The following FOCAD variants were observed in gnomAD, a reference collection of about 807,000 sequenced individuals.
FOCAD encodes KIAA1797.
FOCAD carries 198 observed loss-of-function variants against 225.6 expected under a neutral mutation model. That is an observed-to-expected ratio of 0.88 (90% CI 0.78 to 0.99). The LOEUF (loss-of-function observed/expected upper bound fraction) is 0.99. FOCAD is among the 50% of genes least tolerant of loss of function. The pLI is 0.00. For missense variants in FOCAD, 2,713 were observed against 2,123.6 expected (o/e 1.28, Z -5.46); for synonymous variants, 897 against 755.0 (o/e 1.19, Z -3.08).
intron 1 of FOCAD, among the ~76,000 whole-genome samples, chr9:20,701,806 C>G (rs1823976982): frequency 6.6e-6 from 1 of 152,176 alleles, no homozygotes; most frequent in South Asian, 2.1e-4. Flanking sequence ...GCGCATTAGA[C>G]TTGATTACCT....
At chr9:20,988,634 T>C (rs1393262705) in intron 41 of FOCAD, among the ~76,000 whole-genome samples, 1 of 152,066 alleles carries the variant, frequency 6.6e-6, no homozygotes, top group African/African-American at 2.4e-5. Context: ...ACACACTTAA[T>C]GATTCTCTGA....
rs546193699 is a variant in FOCAD, at chr9:20,901,757, A to G, written c.2626-5393A>G. ...TGTGATAGTATTTCAAATATACTTAATTAAAGCTTACATCATACAGATTTA... is the reference window on the plus strand; with the variant it reads ...TGTGATAGTATTTCAAATATACTTAGTTAAAGCTTACATCATACAGATTTA... On this transcript the variant is annotated intron_variant, in intron 21 of 43. Transcript: ENST00000338382. Among the ~76,000 whole-genome samples the G allele has an allele frequency of 2.1e-3, 317 of 152,054 alleles. 2 individuals are homozygous for G. The highest frequency in any genetic ancestry group is 7.2e-3 in the African/African-American group (299 of 41,536).
At chr9:20,987,333 C>CGG (rs1449490606) in intron 40 of FOCAD, among the ~76,000 whole-genome samples, 3 of 151,996 alleles carry the variant, frequency 2.0e-5, no homozygotes, top group African/African-American at 7.3e-5. Flanking sequence ...CATGGTGAAA[C>CGG]CCTGTCTCTA....
chr9:20,932,425 T>C (rs1835571441), intron 27 of FOCAD, among the ~76,000 whole-genome samples: 1 of 152,186 alleles, frequency 6.6e-6, no homozygotes, highest in African/African-American at 2.4e-5. Context: ...TAGAACCTTT[T>C]AAGTTTTATT....
chr9:20,838,453 A>T (rs965448901), intron 15 of FOCAD, among the ~76,000 whole-genome samples: 4 of 152,098 alleles, frequency 2.6e-5, no homozygotes, highest in African/African-American at 9.7e-5. Flanking sequence ...GTAAATTGTC[A>T]TTTGAGCAAT....
At chr9:20,875,620 T>C (rs1830167194) in intron 19 of FOCAD, 1 of 150,816 alleles carries the variant, frequency 6.6e-6, no homozygotes, top group Admixed American at 6.6e-5. Flanking sequence ...AAAAAAGTAT[T>C]CTAATGCTTA....
chr9:20,708,762 TGA>T (rs139657106), intron 1 of FOCAD, among the ~76,000 whole-genome samples: 56,771 of 150,856 alleles, frequency 0.38, 10,790 homozygotes, highest in South Asian at 0.47. Context: ...AGTGACAGAG[TGA>T]GAGACCCTGT....
In FOCAD at chr9:20,881,912, G is replaced by A. The variant is rs1453308653; in HGVS notation, c.2359G>A (p.Val787Met). The change falls in exon 20 of 44, where the codon GTG (valine) becomes ATG (methionine). Residue 787 changes from valine (V) to methionine (M), a missense_variant. Val to Met is a conservative substitution (Grantham distance 21, BLOSUM62 1). Transcript: ENST00000338382. ...TACATCACTTGTGAAGCAAGAAATG[G>A]TGAATATGCCTCGTGGGATATATCA... is the stretch of plus-strand genomic sequence containing the variant. ...FFTSLVKQEM[V>M]NMPRGIYHSA... 2.5e-6 allele frequency: 4 copies of A among 1,613,528 alleles called. No individual in the cohort carries two copies. The highest frequency in any genetic ancestry group is 3.4e-6 in the Non-Finnish European group (4 of 1,179,804).
intron 2 of FOCAD, among the ~76,000 whole-genome samples, chr9:20,664,038 T>C (rs1821821828): frequency 6.6e-6 from 1 of 152,152 alleles, no homozygotes; most frequent in Admixed American, 6.5e-5. Context: ...CAAAGCACTT[T>C]TCCAACAGTG....
chr9:20,712,601 A>G (rs1288927038), intron 1 of FOCAD, among the ~76,000 whole-genome samples: 4 of 151,786 alleles, frequency 2.6e-5, no homozygotes, highest in South Asian at 2.1e-4. Flanking sequence ...GGCGGAGGTT[A>G]GTGAGCTGAG....
At chr9:20,836,237 C>T (rs1346221378) in intron 15 of FOCAD, among the ~76,000 whole-genome samples, 2 of 151,926 alleles carry the variant, frequency 1.3e-5, no homozygotes, top group Non-Finnish European at 2.9e-5. Flanking sequence ...CATTTTTTAG[C>T]GTGGTAAATA....
intron 11 of FOCAD, among the ~76,000 whole-genome samples, chr9:20,791,442 A>G (rs549117841): frequency 6.6e-6 from 1 of 152,264 alleles, no homozygotes; most frequent in South Asian, 2.1e-4. Context: ...AGGGTAATTA[A>G]TAGTATATCC....
chr9:20,741,207 T>A (rs1022625114), intron 5 of FOCAD, among the ~76,000 whole-genome samples: 1 of 152,214 alleles, frequency 6.6e-6, no homozygotes, highest in African/African-American at 2.4e-5. Context: ...CACCACTGAA[T>A]TGATCTTACA....
chr9:20,861,929 G>C (rs2131693230), intron 15 of FOCAD, among the ~76,000 whole-genome samples: 1 of 152,114 alleles, frequency 6.6e-6, no homozygotes, highest in Non-Finnish European at 1.5e-5. Flanking sequence ...AAGAACACTT[G>C]GTTTAAGAAA....
chr9:20,894,989 T>G (rs1391641194), intron 21 of FOCAD, among the ~76,000 whole-genome samples: 1 of 152,064 alleles, frequency 6.6e-6, no homozygotes, highest in Non-Finnish European at 1.5e-5. Flanking sequence ...CTATTTTGAG[T>G]TAATTTTTAT....
chr9:20,761,111 T>G (rs1829555558), intron 6 of FOCAD, among the ~76,000 whole-genome samples: 1 of 151,948 alleles, frequency 6.6e-6, no homozygotes, highest in Non-Finnish European at 1.5e-5. Flanking sequence ...GCTCAAGTGA[T>G]CCTCCTGTCT....
At chr9:20,729,909 C>G (rs1396851131) in intron 4 of FOCAD, among the ~76,000 whole-genome samples, 1 of 152,022 alleles carries the variant, frequency 6.6e-6, no homozygotes, top group East Asian at 1.9e-4. Flanking sequence ...GGGATACTGC[C>G]TTGACTTCCC....
At chr9:20,769,738 A>G (rs1226450316) in intron 7 of FOCAD, among the ~76,000 whole-genome samples, 2 of 152,346 alleles carry the variant, frequency 1.3e-5, no homozygotes, top group East Asian at 1.9e-4. Context: ...TGTCATTGTC[A>G]TGTAACTTGT....
At chr9:20,692,699 TC>T (rs2131355603) in intron 1 of FOCAD, among the ~76,000 whole-genome samples, 1 of 152,322 alleles carries the variant, frequency 6.6e-6, no homozygotes, top group Non-Finnish European at 1.5e-5. Context: ...TGTTTATGTT[TC>T]TTTACGTAGT....
Sources: allele counts gnomAD v4.1 joint callset (sites outside exome capture counted in the v4.1 genomes callset), GRCh38; gene constraint gnomAD v4.1.1; transcripts MANE v1.5; gene names NCBI Gene and HGNC (gene_info 2026-07-23, HGNC 2026-07-21).